The following TAFA5 variants were observed in gnomAD, a reference collection of about 807,000 sequenced individuals.
TAFA5 encodes the protein TAFA chemokine like family member 5.
A neutral mutation model predicts 15.3 loss-of-function variants in TAFA5; 6 were observed. The ratio of observed to expected loss-of-function variants is 0.39; its 90% CI spans 0.21 to 0.77. The LOEUF is 0.77. Among genes scored for constraint, TAFA5 ranks in the 30% least tolerant of loss-of-function variants. The pLI is 0.41. For synonymous variants in TAFA5, 103 were observed against 80.7 expected, an observed-to-expected ratio of 1.28 and a Z score of -1.48; for missense variants, 161 against 193.1, an observed-to-expected ratio of 0.83 and a Z score of 0.98.
chr22:48,636,009 TC>T (rs1223718590), intron 1 of TAFA5, among the ~76,000 whole-genome samples: 1 of 152,320 alleles, frequency 6.6e-6, no homozygotes, highest in East Asian at 1.9e-4. Flanking sequence ...CCCACACACT[TC>T]CTGTGGGCCC....
At chr22:48,677,155 C>T (rs1928001652) in intron 2 of TAFA5, among the ~76,000 whole-genome samples, 1 of 152,262 alleles carries the variant, frequency 6.6e-6, no homozygotes, top group Non-Finnish European at 1.5e-5. Context: ...CGGCACAGGC[C>T]AGCTGCTGTG....
chr22:48,593,430 T>G (rs539653104), intron 1 of TAFA5, among the ~76,000 whole-genome samples: 1 of 151,356 alleles, frequency 6.6e-6, no homozygotes, highest in Non-Finnish European at 1.5e-5. Flanking sequence ...GGGAGACTGC[T>G]GTGGGCCTGG....
intron 3 of TAFA5, among the ~76,000 whole-genome samples, chr22:48,731,863 GTCT>G (rs1167201810): frequency 6.6e-6 from 1 of 152,180 alleles, no homozygotes; most frequent in Non-Finnish European, 1.5e-5. Flanking sequence ...TGAAATTAAA[GTCT>G]TCTTCTTTAA....
intron 1 of TAFA5, among the ~76,000 whole-genome samples, chr22:48,635,105 C>T (rs964883384): frequency 2.0e-5 from 3 of 152,262 alleles, no homozygotes; most frequent in South Asian, 2.1e-4. Context: ...GGACGGAGAA[C>T]GCAGAGCACA....
At chr22:48,741,078 G>A (rs1475952795) in intron 3 of TAFA5, among the ~76,000 whole-genome samples, 1 of 152,208 alleles carries the variant, frequency 6.6e-6, no homozygotes, top group Non-Finnish European at 1.5e-5. Flanking sequence ...GCGCTGTTGT[G>A]TTGGACTCTG....
At chr22:48,613,540 G>A (rs530250248) in intron 1 of TAFA5, among the ~76,000 whole-genome samples, 21 of 152,266 alleles carry the variant, frequency 1.4e-4, no homozygotes, top group South Asian at 1.0e-3. Flanking sequence ...GACTTGAGAC[G>A]GACTCCTGGC....
intron 1 of TAFA5, among the ~76,000 whole-genome samples, chr22:48,616,760 A>C (rs181869273): frequency 3.3e-5 from 5 of 152,300 alleles, no homozygotes; most frequent in African/African-American, 1.2e-4. Flanking sequence ...AGATGGTGGG[A>C]ATAGGGAACA....
chr22:48,645,760 C>T (rs1177539394), intron 1 of TAFA5, among the ~76,000 whole-genome samples: 1 of 152,042 alleles, frequency 6.6e-6, no homozygotes, highest in Non-Finnish European at 1.5e-5. Flanking sequence ...CCTGTGTCTG[C>T]ATGGGCACGT....
chr22:48,552,382 C>T lies in TAFA5; in HGVS notation c.112+62678C>T, dbSNP rs956533835. On this transcript the variant is annotated intron_variant, in intron 1 of 3. Transcript: ENST00000402357. The surrounding 1 kb of genome is among the most constrained non-coding windows in gnomAD (Gnocchi z 4.1). ...CTCAGGAAACCTTCTCAGGGGGTCC[C>T]GTTTAGGAAACAAATCCCTCTGCTG... Among the ~76,000 whole-genome samples the T allele has an allele frequency of 1.3e-5, 2 of 152,092 alleles. No individual in the cohort carries two copies. Among genetic ancestry groups the T allele is most frequent in the Non-Finnish European group, 1.5e-5 (1 of 68,010 alleles).
At chr22:48,734,581 C>G (rs1269603491) in intron 3 of TAFA5, among the ~76,000 whole-genome samples, 2 of 152,330 alleles carry the variant, frequency 1.3e-5, no homozygotes, top group South Asian at 2.1e-4. Flanking sequence ...CTGCCTGGCC[C>G]AAGCCTGGGC....
intron 2 of TAFA5, among the ~76,000 whole-genome samples, chr22:48,674,699 G>C (rs982038012): frequency 6.6e-6 from 1 of 152,176 alleles, no homozygotes; most frequent in South Asian, 2.1e-4. Context: ...AGGAGCCCTC[G>C]TTCAGGGAGA....
intron 1 of TAFA5, among the ~76,000 whole-genome samples, chr22:48,523,317 C>T (rs1283320903): frequency 6.6e-6 from 1 of 152,216 alleles, no homozygotes; most frequent in Non-Finnish European, 1.5e-5. Flanking sequence ...TCCACTTAAA[C>T]ACCATCCAGG....
At chr22:48,534,846 G>A (rs778567742) in intron 1 of TAFA5, among the ~76,000 whole-genome samples, 21 of 152,286 alleles carry the variant, frequency 1.4e-4, no homozygotes, top group Non-Finnish European at 2.1e-4. Context: ...TGCGCTCAGC[G>A]ACTGTGGAGG....
chr22:48,597,856 G>A (rs946449968), intron 1 of TAFA5, among the ~76,000 whole-genome samples: 4 of 152,358 alleles, frequency 2.6e-5, no homozygotes, highest in Non-Finnish European at 5.9e-5. Flanking sequence ...AGAAGGGGGA[G>A]TTAAGGGATG....
chr22:48,633,516 G>C (rs372207106), intron 1 of TAFA5, among the ~76,000 whole-genome samples: 4,059 of 62,058 alleles, frequency 0.065, 307 homozygotes, highest in African/African-American at 0.29. Context: ...CTGTCTGTCT[G>C]TCTGTCTGTC....
chr22:48,702,311 C>G (rs1928934989), intron 2 of TAFA5, among the ~76,000 whole-genome samples: 1 of 152,122 alleles, frequency 6.6e-6, no homozygotes, highest in Non-Finnish European at 1.5e-5. Context: ...AAGAGCACTG[C>G]TGGCCCAGGG....
chr22:48,599,609 G>A (rs548710206), intron 1 of TAFA5, among the ~76,000 whole-genome samples: 26 of 152,340 alleles, frequency 1.7e-4, no homozygotes, highest in Admixed American at 1.1e-3. Context: ...GACCCTGTGC[G>A]TGCCAGGAGC....
At chr22:48,602,286 C>T (rs746887891) in intron 1 of TAFA5, among the ~76,000 whole-genome samples, 3 of 152,196 alleles carry the variant, frequency 2.0e-5, no homozygotes, top group African/African-American at 2.4e-5. Context: ...CCCACCTTTC[C>T]GGGGCCACCC....
chr22:48,721,593 A>G (rs1929571427), intron 3 of TAFA5, among the ~76,000 whole-genome samples: 2 of 152,372 alleles, frequency 1.3e-5, no homozygotes, highest in South Asian at 4.1e-4. Flanking sequence ...TAATCCTTAT[A>G]ATCTTACAGA....
Sources: allele counts gnomAD v4.1 joint callset (sites outside exome capture counted in the v4.1 genomes callset), GRCh38; gene constraint gnomAD v4.1.1; non-coding constraint Gnocchi (gnomAD v3.1); transcripts MANE v1.5; gene names NCBI Gene and HGNC (gene_info 2026-07-23, HGNC 2026-07-21).